Variants in ITGBL1 observed in about 807,000 individuals in gnomAD.
The protein encoded by ITGBL1 is integrin subunit beta like 1, also known as integrin beta-like protein 1.
In ITGBL1, 51 loss-of-function variants were observed where a neutral mutation model predicts 68.5. The observed-to-expected ratio is 0.74, with a 90% CI of 0.59 to 0.94. ITGBL1 has a LOEUF of 0.94. Among genes scored for constraint, ITGBL1 ranks in the 40% least tolerant of loss-of-function variants. The pLI, the probability that ITGBL1 is intolerant of heterozygous loss-of-function variation, is 0.00. For synonymous variants in ITGBL1, 209 were observed against 227.3 expected (o/e 0.92, Z 0.72); for missense variants, 649 against 647.4 (o/e 1.00, Z -0.03).
At chr13:101,640,997 A>C (rs1042431651) in intron 7 of ITGBL1, among the ~76,000 whole-genome samples, 10 of 152,184 alleles carry the variant, frequency 6.6e-5, no homozygotes, top group Admixed American at 2.0e-4. Flanking sequence ...CTACCATGGC[A>C]CTTATGACTA....
At chr13:101,479,175 T>C (rs1042501632) in intron 2 of ITGBL1, among the ~76,000 whole-genome samples, 1 of 151,868 alleles carries the variant, frequency 6.6e-6, no homozygotes, top group African/African-American at 2.4e-5. Context: ...GTGACCTCAT[T>C]TTTTATAAAG....
intron 7 of ITGBL1, among the ~76,000 whole-genome samples, chr13:101,603,801 T>G (rs1434329034): frequency 6.6e-6 from 1 of 151,938 alleles, no homozygotes; most frequent in Non-Finnish European, 1.5e-5. Flanking sequence ...CAAAAATAGA[T>G]TTTTGATCTT....
intron 8 of ITGBL1, among the ~76,000 whole-genome samples, chr13:101,693,735 C>T (rs181671855): frequency 9.2e-5 from 14 of 152,190 alleles, no homozygotes; most frequent in Admixed American, 1.3e-4. Flanking sequence ...CTCTAACCAA[C>T]GATAAGACAT....
chr13:101,601,797 G>A lies in ITGBL1; in HGVS notation c.1015+3498G>A, dbSNP rs564402230. ...CTAGTTTGATTGCACTGTGGTCTGA[G>A]AGACAGTTTGATATAATTTCTGTTC... On this transcript the variant is annotated intron_variant, in intron 7 of 10. Transcript: ENST00000376180. Among the ~76,000 whole-genome samples the A allele has an allele frequency of 4.8e-3, 728 of 152,246 alleles. 8 individuals carry two copies. Among genetic ancestry groups the A allele is most frequent in the East Asian group, 0.018 (91 of 5,178 alleles).
chr13:101,620,822 T>G (rs1173293092), intron 7 of ITGBL1, among the ~76,000 whole-genome samples: 1 of 152,178 alleles, frequency 6.6e-6, no homozygotes, highest in African/African-American at 2.4e-5. Context: ...TGCCAGAGAC[T>G]CCCACCAGTG....
intron 7 of ITGBL1, among the ~76,000 whole-genome samples, chr13:101,656,701 G>A (rs965198561): frequency 1.3e-5 from 2 of 152,106 alleles, no homozygotes; most frequent in African/African-American, 4.8e-5. Flanking sequence ...TGTAATAGGT[G>A]ACAATATTTT....
chr13:101,709,759 G>A (rs1233798607), intron 9 of ITGBL1, among the ~76,000 whole-genome samples: 1 of 152,126 alleles, frequency 6.6e-6, no homozygotes, highest in Non-Finnish European at 1.5e-5. Flanking sequence ...GCTCACTATT[G>A]AATCATTAAC....
chr13:101,634,081 G>T (rs374098135), intron 7 of ITGBL1, among the ~76,000 whole-genome samples: 1 of 151,926 alleles, frequency 6.6e-6, no homozygotes, highest in Non-Finnish European at 1.5e-5. Context: ...CTAATCAATG[G>T]GCAGAATTAA....
At chr13:101,520,204 G>A (rs557658540) in intron 2 of ITGBL1, among the ~76,000 whole-genome samples, 20 of 152,130 alleles carry the variant, frequency 1.3e-4, no homozygotes, top group African/African-American at 4.6e-4. Flanking sequence ...AAGACTCTAA[G>A]ATTCAATGAA....
intron 2 of ITGBL1, among the ~76,000 whole-genome samples, chr13:101,514,078 T>C (rs781574678): frequency 1.3e-5 from 2 of 152,098 alleles, no homozygotes; most frequent in African/African-American, 2.4e-5. Flanking sequence ...AAACACATGT[T>C]CTGTGTTTCC....
chr13:101,547,497 A>G (rs16959027), intron 2 of ITGBL1, among the ~76,000 whole-genome samples: 2,175 of 151,952 alleles, frequency 0.014, 50 homozygotes, highest in African/African-American at 0.049. Flanking sequence ...ATACAAAAAG[A>G]GTGTTGCAAA....
chr13:101,567,789 A>G lies in ITGBL1; in HGVS notation c.407A>G (p.Lys136Arg). The G allele has an allele frequency of 6.2e-7, 1 of 1,613,400 alleles. No individual in the cohort carries two copies. The change falls in exon 3 of 11, where the codon AAG (lysine) becomes AGG (arginine). Residue 136 changes from lysine (K) to arginine (R), a missense_variant. Transcript: ENST00000376180. ...TACCCAACTAACTGTGACTTGACAAAGAAGAAAAGTAACCAAATGTGCAAG... is the reference window on the plus strand; with the variant it reads ...TACCCAACTAACTGTGACTTGACAAGGAAGAAAAGTAACCAAATGTGCAAG... ...CQYPTNCDLT[K>R]KKSNQMCKNS...
intron 7 of ITGBL1, among the ~76,000 whole-genome samples, chr13:101,635,018 C>CTTT (rs149815835): frequency 3.4e-5 from 5 of 148,222 alleles, no homozygotes; most frequent in African/African-American, 1.2e-4. Flanking sequence ...TTCGAATTTC[C>CTTT]TTTTTTTTTA....
intron 7 of ITGBL1, among the ~76,000 whole-genome samples, chr13:101,667,968 G>T (rs543960539): frequency 6.6e-6 from 1 of 151,556 alleles, no homozygotes; most frequent in African/African-American, 2.4e-5. Context: ...AAATAAATTG[G>T]TTTTAAATTT....
At chr13:101,482,108 A>G (rs1488036359) in intron 2 of ITGBL1, among the ~76,000 whole-genome samples, 1 of 152,176 alleles carries the variant, frequency 6.6e-6, no homozygotes, top group African/African-American at 2.4e-5. Flanking sequence ...GTATTAGCCG[A>G]GAAGGCTTGA....
At chr13:101,499,394 A>G (rs778929654) in intron 2 of ITGBL1, among the ~76,000 whole-genome samples, 4 of 152,204 alleles carry the variant, frequency 2.6e-5, no homozygotes, top group Non-Finnish European at 2.9e-5. Context: ...CTCAGTACAA[A>G]ATATATTGTA....
chr13:101,699,429 A>G (rs1339002511), intron 8 of ITGBL1, among the ~76,000 whole-genome samples: 1 of 152,100 alleles, frequency 6.6e-6, no homozygotes, highest in African/African-American at 2.4e-5. Context: ...ATAATCCCCA[A>G]GTGTCGTGGG....
At chr13:101,479,968 C>T (rs751535752) in intron 2 of ITGBL1, among the ~76,000 whole-genome samples, 3 of 152,008 alleles carry the variant, frequency 2.0e-5, no homozygotes, top group East Asian at 1.9e-4. Flanking sequence ...CTGCTGGATA[C>T]ATACCGAAAA....
chr13:101,699,386 C>G (rs1490522264), intron 8 of ITGBL1, among the ~76,000 whole-genome samples: 1 of 152,066 alleles, frequency 6.6e-6, no homozygotes, highest in Non-Finnish European at 1.5e-5. Context: ...TGGCTGTGTC[C>G]CCACGCAAAT....
Sources: gnomAD v4.1 joint callset for allele counts (sites outside exome capture counted in the v4.1 genomes callset) on GRCh38, gnomAD v4.1.1 for gene constraint, MANE v1.5 for transcripts, NCBI Gene and HGNC (gene_info 2026-07-23, HGNC 2026-07-21) for gene names.